Variants in DUT observed in about 807,000 individuals in gnomAD.
The protein encoded by DUT is deoxyuridine triphosphatase, also known as deoxyuridine 5'-triphosphate nucleotidohydrolase, mitochondrial.
Under a neutral mutation model 28.8 loss-of-function variants are expected in DUT, and 21 were observed. The ratio of observed to expected loss-of-function variants is 0.73; its 90% CI spans 0.52 to 1.05. The LOEUF (loss-of-function observed/expected upper bound fraction) is 1.05. Among genes scored for constraint, DUT ranks in the 50% least tolerant of loss-of-function variants. The pLI is 0.00. For synonymous variants in DUT, 147 were observed against 143.7 expected (o/e 1.02, Z -0.17); for missense variants, 344 against 351.8 (o/e 0.98, Z 0.18).
upstream of DUT, chr15:48,331,142 C>T (rs1566870494): frequency 3.0e-6 from 4 of 1,323,458 alleles, no homozygotes; most frequent in Non-Finnish European, 2.9e-6. Flanking sequence ...GCTTAGGGCG[C>T]CGCTAAACTC....
chr15:48,343,101 T>C lies in DUT; in HGVS notation c.*1023T>C, dbSNP rs541834217. The C allele has an allele frequency of 6.6e-6, 1 of 152,272 alleles. No individual in the cohort carries two copies. Among genetic ancestry groups the C allele is most frequent in the African/African-American group, 2.4e-5 (1 of 41,556 alleles). The allele number at this position is 152,272 out of a possible 1,614,324, so 9.4% of individuals were successfully genotyped here. On this transcript the variant is annotated 3_prime_UTR_variant, in exon 7 of 7. Coordinates refer to ENST00000331200, the MANE Select transcript of DUT (RefSeq NM_001025248.2). Reference sequence around the variant, plus strand: ...AGATTCTGTGAGACACCAGGCATCGTTTTGAGGATGTGGGTTATACACATG... The same window carrying C: ...AGATTCTGTGAGACACCAGGCATCGCTTTGAGGATGTGGGTTATACACATG...
At chr15:48,332,635 T>C in intron 2 of DUT, 1 of 691,414 alleles carries the variant, frequency 1.4e-6, no homozygotes, top group Non-Finnish European at 2.6e-6. Flanking sequence ...GGCGTTACTT[T>C]GCAACGTTTA....
chr15:48,333,289 A>T (rs576065981), intron 2 of DUT, among the ~76,000 whole-genome samples: 1 of 152,310 alleles, frequency 6.6e-6, no homozygotes, highest in Non-Finnish European at 1.5e-5. Flanking sequence ...AAGGAAAAGG[A>T]AAGTAGGTAT....
chr15:48,334,394 A>C (rs772543234), intron 2 of DUT, 23 bp from the exon 3 acceptor site: 43 of 1,447,236 alleles, frequency 3.0e-5, no homozygotes, highest in Non-Finnish European at 4.0e-5. Flanking sequence ...ATTTGCAGTT[A>C]TTTTCTTTCA....
chr15:48,335,685 C>T (rs1394753591), intron 3 of DUT, among the ~76,000 whole-genome samples: 1 of 152,148 alleles, frequency 6.6e-6, no homozygotes, highest in African/African-American at 2.4e-5. Flanking sequence ...TCTTTCTTCC[C>T]CTTTGAGGCT....
In DUT at chr15:48,331,445, C is replaced by T; in HGVS notation, c.-71C>T. ...CGAGGTCATGTTCCCAGGACGGGCG[C>T]GTCTTCAGGGTGGAAGCCTGGCGCA... On this transcript the variant is annotated 5_prime_UTR_variant, in exon 1 of 7. Transcript: ENST00000331200. 1.3e-6 allele frequency: 2 copies of T among 1,587,016 alleles called. No individual in the cohort carries two copies. Among genetic ancestry groups the T allele is most frequent in the African/African-American group, 1.4e-5 (1 of 73,912 alleles).
chr15:48,331,817 C>A, intron 1 of DUT, 22 bp downstream of exon 1: 1 of 1,343,790 alleles, frequency 7.4e-7, no homozygotes, highest in East Asian at 3.1e-5. Context: ...GGGGGAGGGG[C>A]TCCGGCCGTC....
intron 4 of DUT, among the ~76,000 whole-genome samples, chr15:48,339,487 G>A (rs1018206826): frequency 6.6e-6 from 1 of 152,068 alleles, no homozygotes; most frequent in Non-Finnish European, 1.5e-5. Context: ...GGAACAACAT[G>A]CTATGTTGAG....
rs762683508 is a variant in DUT, at chr15:48,336,026, T to C, written c.512-20T>C. 2 of 1,602,490 alleles carry C rather than the reference T, an allele frequency of 1.2e-6. No individual in the cohort carries two copies. Among genetic ancestry groups the C allele is most frequent in the Non-Finnish European group, 1.7e-6 (2 of 1,176,326 alleles). On this transcript the variant is annotated intron_variant, in intron 3 of 6. Coordinates refer to ENST00000331200, the MANE Select transcript of DUT (RefSeq NM_001025248.2). ...CCCTTCCCCCTTAAAATAACCAATG[T>C]CTCCTTTTTTGTTTTTTAGCTCCAC...
chr15:48,339,016 C>G (rs1022864220), intron 4 of DUT, among the ~76,000 whole-genome samples: 1 of 151,968 alleles, frequency 6.6e-6, no homozygotes, highest in Non-Finnish European at 1.5e-5. Flanking sequence ...GCCTTTGTAC[C>G]TGGAGGCTGA....
At position 48,331,461 on chromosome 15, in the gene DUT, G is replaced by T; in HGVS notation, c.-55G>T. On this transcript the variant is annotated 5_prime_UTR_variant, in exon 1 of 7. Transcript: ENST00000331200. ...GGACGGGCGCGTCTTCAGGGTGGAA[G>T]CCTGGCGCACGTCCGGAGGTGCCGA... is the stretch of plus-strand genomic sequence containing the variant. 1.9e-6 allele frequency: 3 copies of T among 1,600,444 alleles called. No homozygotes were observed. The highest frequency in any genetic ancestry group is 1.1e-5 in the South Asian group (1 of 89,120).
In DUT at chr15:48,331,793, C is replaced by A. The variant is rs987277458; in HGVS notation, c.278C>A (p.Pro93Gln). 3 of 1,342,224 alleles carry A rather than the reference C, an allele frequency of 2.2e-6. No homozygotes were observed. Among genetic ancestry groups the A allele is most frequent in the East Asian group, 6.3e-5 (2 of 31,580 alleles). The allele number at this position is 1,342,224 out of a possible 1,614,324, so 83.1% of individuals were successfully genotyped here. A position where few individuals can be genotyped will look rare whatever the true frequency, so the allele number is the denominator to read the frequency against. ...GCGGGGGGAAGCCCGGCGCCGGGGCCGGGTAGGAAAGGCGGGGGAGGGGCT... is the reference window on the plus strand; with the variant it reads ...GCGGGGGGAAGCCCGGCGCCGGGGCAGGGTAGGAAAGGCGGGGGAGGGGCT... ...PKAGGSPAPG[P>Q]ETPAISPSKR... Residue 93 changes from proline (P) to glutamine (Q), a missense_variant and splice_region_variant, in exon 1 of 7, where the codon CCG (proline) becomes CAG (glutamine). Coordinates refer to ENST00000331200, the MANE Select transcript of DUT (RefSeq NM_001025248.2).
rs1180455114 is a variant in DUT at position 48,342,837 on chromosome 15, G to A, written c.*759G>A. The A allele has an allele frequency of 1.3e-5, 2 of 152,096 alleles. No individual in the cohort carries two copies. The highest frequency in any genetic ancestry group is 2.4e-5 in the African/African-American group (1 of 41,402). 9.4% of individuals were successfully genotyped at this position (152,096 alleles called of 1,614,324 possible). ...GTTTTCCCTCAGTGAAGTAGCAATAGGCTGTAATCAAGAAAATATGCCATT... is the reference window on the plus strand; with the variant it reads ...GTTTTCCCTCAGTGAAGTAGCAATAAGCTGTAATCAAGAAAATATGCCATT... On this transcript the variant is annotated 3_prime_UTR_variant, in exon 7 of 7. Transcript: ENST00000331200.
In DUT at chr15:48,331,667, ACGGGATTCCCCGGC is replaced by A; in HGVS notation, c.155_168del (p.Gly52AlafsTer28). ...CCGCCCCTCGGCCGCGCCGCGCAGCACGGGATTCCCCGGCCGCTGTCCAGCGCTGGCCGCCTGAG... is the reference window on the plus strand; with the variant it reads ...CCGCCCCTCGGCCGCGCCGCGCAGCACGCTGTCCAGCGCTGGCCGCCTGAG... On this transcript the variant is annotated frameshift_variant, in exon 1 of 7. Transcript: ENST00000331200. LOFTEE classifies it high-confidence loss of function. 6.5e-7 allele frequency: 1 copy of A among 1,535,768 alleles called. No homozygotes were observed. Among genetic ancestry groups the A allele is most frequent in the South Asian group, 1.2e-5 (1 of 82,650 alleles).
chr15:48,335,902 C>A (rs557664704), intron 3 of DUT, 144 bp from the exon 4 acceptor site: 3 of 656,194 alleles, frequency 4.6e-6, no homozygotes, highest in East Asian at 6.4e-5. Context: ...AATATATATT[C>A]TTTAATTCAA....
At chr15:48,332,177 C>G in intron 1 of DUT, 91 bp from the exon 2 acceptor site, 3 of 1,466,230 alleles carry the variant, frequency 2.0e-6, no homozygotes, top group Non-Finnish European at 2.7e-6. Context: ...GGTTTTGGCG[C>G]GCTCCCTGCG....
chr15:48,331,428 T>G (rs940587411), upstream of DUT: 35 of 1,562,758 alleles, frequency 2.2e-5, no homozygotes, highest in Non-Finnish European at 2.8e-5. Flanking sequence ...TCCGAGGTCA[T>G]GTTCCCAGGA....
upstream of DUT, chr15:48,331,117 A>T: frequency 6.8e-7 from 1 of 1,463,676 alleles, no homozygotes; most frequent in Non-Finnish European, 9.0e-7. Flanking sequence ...ACCGGCGCCG[A>T]GATGCGGTTC....
At chr15:48,331,874 G>A in intron 1 of DUT, 79 bp downstream of exon 1, 1 of 912,988 alleles carries the variant, frequency 1.1e-6, no homozygotes, top group Non-Finnish European at 1.4e-6. Flanking sequence ...GTAGGGTGGC[G>A]AGCGGTCCTT....
Sources: gnomAD v4.1 joint callset for allele counts (sites outside exome capture counted in the v4.1 genomes callset) on GRCh38, gnomAD v4.1.1 for gene constraint, MANE v1.5 for transcripts, NCBI Gene and HGNC (gene_info 2026-07-23, HGNC 2026-07-21) for gene names.